Variants in CLTCL1 observed in about 807,000 individuals in gnomAD.
CLTCL1 encodes clathrin heavy chain 2.
A neutral mutation model predicts 190.0 loss-of-function variants in CLTCL1; 159 were observed. That is an observed-to-expected ratio of 0.84 (90% CI 0.74 to 0.95). CLTCL1 has a LOEUF of 0.95. Among genes scored for constraint, CLTCL1 ranks in the 40% least tolerant of loss-of-function variants. The pLI is 0.00. For missense variants in CLTCL1, 1,878 were observed against 2,033.4 expected (o/e 0.92, Z 1.47); for synonymous variants, 752 against 769.6 (o/e 0.98, Z 0.38).
chr22:19,258,773 T>G, intron 2 of CLTCL1: 1 of 691,298 alleles, frequency 1.4e-6, no homozygotes. Flanking sequence ...AAGTGGTGTT[T>G]GAGACCAACG....
At chr22:19,218,595 T>C (rs1302493941) in intron 18 of CLTCL1, among the ~76,000 whole-genome samples, 3 of 152,134 alleles carry the variant, frequency 2.0e-5, no homozygotes, top group African/African-American at 7.2e-5. Flanking sequence ...GGTGGGAGTT[T>C]TAACTGGTCC....
Position 19,233,256 on chromosome 22 carries a change from A to G in CLTCL1, c.1431T>C (p.Ser477=). Residue 477 remains serine, a synonymous_variant, in exon 9 of 33, where the codon AGT becomes AGC. Transcript: ENST00000427926. Reference sequence around the variant, plus strand: ...TTGGCACATTTGCCCGAAGGTACACACTCAGAGCGAGCATGGGGTCAGTGG... The same window carrying G: ...TTGGCACATTTGCCCGAAGGTACACGCTCAGAGCGAGCATGGGGTCAGTGG... The part of the protein sequence containing the change: ...VKTTDPMLAL[S]VYLRANVPSK... The G allele has an allele frequency of 6.2e-7, 1 of 1,613,976 alleles. No individual in the cohort carries two copies. The highest frequency in any genetic ancestry group is 2.2e-5 in the East Asian group (1 of 44,882).
At position 19,275,593 on chromosome 22, in the gene CLTCL1, A is replaced by G. The variant is rs782462699; in HGVS notation, c.250+30T>C. 20 of 1,558,994 alleles carry G rather than the reference A, an allele frequency of 1.3e-5. No individual in the cohort carries two copies. In the Admixed American group the frequency reaches 3.4e-4, roughly 27 times the overall value. On this transcript the variant is annotated intron_variant, in intron 2 of 32. Transcript: ENST00000427926. ...AACAAAGCAGTTAAAATGAGGTAAG[A>G]TTCCTTTCTAACAATCCCATCGGGT...
intron 26 of CLTCL1, among the ~76,000 whole-genome samples, chr22:19,195,795 C>T (rs2084679504): frequency 6.6e-6 from 1 of 151,976 alleles, no homozygotes; most frequent in Admixed American, 6.5e-5. Flanking sequence ...CCCAGTTAGG[C>T]TACAGGATGG....
chr22:19,250,794 T>TCCAC (rs2086570293), intron 3 of CLTCL1, among the ~76,000 whole-genome samples: 1 of 152,198 alleles, frequency 6.6e-6, no homozygotes, highest in South Asian at 2.1e-4. Flanking sequence ...GCTCAGGTTA[T>TCCAC]CCACCTTCCT....
chr22:19,186,335 C>T (rs1166930793), intron 29 of CLTCL1, among the ~76,000 whole-genome samples: 3 of 152,028 alleles, frequency 2.0e-5, no homozygotes, highest in Non-Finnish European at 2.9e-5. Flanking sequence ...CCACCTCACC[C>T]CCGCGGGGAG....
Position 19,196,500 on chromosome 22 carries a change from T to C in CLTCL1, c.4030A>G (p.Asn1344Asp), listed in dbSNP as rs1555935790. Residue 1344 changes from asparagine to aspartate, a missense_variant, in exon 25 of 33, where the codon AAC becomes GAC. Asn to Asp is a conservative substitution (Grantham distance 23). Transcript: ENST00000427926. ...GGAGTACACGGTACCTTTGGGATGT[T>C]GACACGGGACCAGAAAAGCTCCAGA... is the stretch of plus-strand genomic sequence containing the variant. ...EHLELFWSRV[N>D]IPKVLRAAEQ... 7 of 1,613,958 alleles carry C rather than the reference T, an allele frequency of 4.3e-6. No individual in the cohort carries two copies. In the African/African-American group the frequency reaches 9.3e-5, roughly 22 times the overall value.
intron 19 of CLTCL1, among the ~76,000 whole-genome samples, chr22:19,215,449 T>C (rs555666870): frequency 5.4e-4 from 83 of 152,334 alleles, no homozygotes; most frequent in Non-Finnish European, 9.6e-4. Flanking sequence ...GGCTGGCCCA[T>C]GCGGAAGCAC....
intron 5 of CLTCL1, among the ~76,000 whole-genome samples, chr22:19,237,088 G>A (rs2086103959): frequency 6.6e-6 from 1 of 152,088 alleles, no homozygotes; most frequent in Admixed American, 6.6e-5. Flanking sequence ...CTTCCATAAG[G>A]TGCCACATAT....
chr22:19,269,125 G>A lies in CLTCL1; in HGVS notation c.250+6498C>T, dbSNP rs1047022160. Among the ~76,000 whole-genome samples, 12 of 150,704 alleles carry A rather than the reference G, an allele frequency of 8.0e-5. No homozygotes were observed. In the East Asian group the frequency reaches 1.8e-3, roughly 22 times the overall value. On this transcript the variant is annotated intron_variant, in intron 2 of 32. Transcript: ENST00000427926. ...AAGAAGAAAAAAAGCTAAACAGGCC[G>A]GTAGTGGTGGTTCACGCCTGTAATC...
At chr22:19,243,932 C>T (rs1396076238) in intron 3 of CLTCL1, among the ~76,000 whole-genome samples, 4 of 152,142 alleles carry the variant, frequency 2.6e-5, no homozygotes, top group Admixed American at 6.5e-5. Context: ...ATCCTGACGT[C>T]GTGATCTGCC....
In CLTCL1 at chr22:19,219,157, TTTTA is replaced by T. The variant is rs201050834; in HGVS notation, c.2919+724_2919+727del. On this transcript the variant is annotated intron_variant, in intron 18 of 32. Coordinates refer to ENST00000427926, the MANE Select transcript of CLTCL1 (RefSeq NM_007098.4). The stretch of plus-strand genomic sequence containing the variant: ...GAGAAGGTTCGTAAGGACTAAGATG[TTTTA>T]TTTATTTATTTATTTATTTATTTAT... Among the ~76,000 whole-genome samples, 1,213 of 148,954 alleles carry T rather than the reference TTTTA, an allele frequency of 8.1e-3. 5 individuals are homozygous for T. The highest frequency in any genetic ancestry group is 0.01 in the Middle Eastern group (3 of 294).
chr22:19,229,314 T>A (rs570689474), intron 11 of CLTCL1, among the ~76,000 whole-genome samples: 15 of 152,190 alleles, frequency 9.9e-5, no homozygotes, highest in Non-Finnish European at 1.8e-4. Flanking sequence ...GAAAATAATA[T>A]GCTAAGTGAA....
At chr22:19,289,721 G>A (rs1240393592) in intron 1 of CLTCL1, among the ~76,000 whole-genome samples, 1 of 152,136 alleles carries the variant, frequency 6.6e-6, no homozygotes, top group African/African-American at 2.4e-5. Flanking sequence ...TTATAGGGAA[G>A]AAGGATACCA....
At chr22:19,247,407 T>A (rs1555968392) in intron 3 of CLTCL1, among the ~76,000 whole-genome samples, 1 of 152,222 alleles carries the variant, frequency 6.6e-6, no homozygotes, top group Non-Finnish European at 1.5e-5. Context: ...GCATGGGATT[T>A]TTTTATTTGT....
At chr22:19,287,026 G>A (rs535055482) in intron 1 of CLTCL1, among the ~76,000 whole-genome samples, 2 of 152,270 alleles carry the variant, frequency 1.3e-5, no homozygotes, top group African/African-American at 4.8e-5. Context: ...CAAACTTGGA[G>A]CTGCTTTTTT....
At chr22:19,189,326 G>C (rs566788113) in intron 27 of CLTCL1, among the ~76,000 whole-genome samples, 1 of 152,330 alleles carries the variant, frequency 6.6e-6, no homozygotes, top group East Asian at 1.9e-4. Context: ...AAAAGACTCT[G>C]TGCAGCATGC....
intron 19 of CLTCL1, among the ~76,000 whole-genome samples, chr22:19,211,772 A>C (rs978398112): frequency 2.7e-5 from 4 of 149,870 alleles, no homozygotes; most frequent in Non-Finnish European, 4.5e-5. Flanking sequence ...ATCTCAAAAA[A>C]AAAAAAAAAA....
intron 3 of CLTCL1, among the ~76,000 whole-genome samples, chr22:19,249,230 G>A (rs898313342): frequency 1.3e-5 from 2 of 152,148 alleles, no homozygotes; most frequent in South Asian, 2.1e-4. Context: ...GTGGTGGCAC[G>A]TGCCTATAAT....
Sources: allele counts gnomAD v4.1 joint callset (sites outside exome capture counted in the v4.1 genomes callset), GRCh38; gene constraint gnomAD v4.1.1; transcripts MANE v1.5; gene names NCBI Gene and HGNC (gene_info 2026-07-23, HGNC 2026-07-21).